Variants in STARD13 observed in about 807,000 individuals in gnomAD.
STARD13 encodes StAR related lipid transfer domain containing 13.
Under a neutral mutation model 106.4 loss-of-function variants are expected in STARD13, and 62 were observed. That is an observed-to-expected ratio of 0.58 (90% CI 0.48 to 0.72). STARD13 has a LOEUF of 0.72. STARD13 is among the 30% of genes least tolerant of loss of function. STARD13 has a pLI of 0.00. For synonymous variants in STARD13, 565 were observed against 553.0 expected (o/e 1.02, Z -0.31); for missense variants, 1,387 against 1,424.0 (o/e 0.97, Z 0.42).
the STARD13 span, among the ~76,000 whole-genome samples, chr13:33,658,041 G>C: frequency 6.6e-6 from 1 of 152,104 alleles, no homozygotes; most frequent in Non-Finnish European, 1.5e-5. Context: ...ATCCCAAACT[G>C]TACTCATTAA....
the STARD13 span, among the ~76,000 whole-genome samples, chr13:33,499,521 TCTTCTTCTTC>T: frequency 2.0e-5 from 1 of 48,996 alleles, no homozygotes; most frequent in African/African-American, 6.7e-5. Flanking sequence ...CTTCTTTCTT[TCTTCTTCTTC>T]TTCTTCTTCT....
chr13:33,536,333 CTT>C, the STARD13 span, among the ~76,000 whole-genome samples: 7 of 152,122 alleles, frequency 4.6e-5, no homozygotes, highest in Non-Finnish European at 1.0e-4. Context: ...CTGTAAGAAA[CTT>C]TTTAATTGTT....
chr13:33,620,273 CTTTTTCT>C, the STARD13 span, among the ~76,000 whole-genome samples: 2 of 150,756 alleles, frequency 1.3e-5, no homozygotes, highest in African/African-American at 2.5e-5. Context: ...AATATGTATT[CTTTTTCT>C]TTTTTCTTTT....
At chr13:33,400,846 T>A in the STARD13 span, among the ~76,000 whole-genome samples, 2 of 152,182 alleles carry the variant, frequency 1.3e-5, no homozygotes, top group Non-Finnish European at 2.9e-5. Flanking sequence ...ATGGGTGCAT[T>A]TCAGCACATG....
At chr13:33,216,634 G>C (rs565610078) in intron 1 of STARD13, among the ~76,000 whole-genome samples, 4 of 152,180 alleles carry the variant, frequency 2.6e-5, no homozygotes, top group African/African-American at 9.6e-5. Flanking sequence ...AGGGTGACAG[G>C]TGCACCAAAA....
At chr13:33,585,787 A>G in the STARD13 span, among the ~76,000 whole-genome samples, 4 of 152,366 alleles carry the variant, frequency 2.6e-5, no homozygotes, top group East Asian at 5.8e-4. Context: ...CACATCCTAC[A>G]TCATGGATGA....
In STARD13 at chr13:33,129,111, G is replaced by A; in HGVS notation, c.1566C>T (p.Gly522=). The change falls in exon 5 of 14, where the codon GGC becomes GGT. Residue 522 remains glycine (G), a synonymous_variant. Transcript: ENST00000336934. ...QTHDTLVGEP[G]LSTFPSPNQI... ...GATTAGGAGATGGAAAGGTGGATAA[G>A]CCAGGTTCCCCAACCAATGTATCAT... 1 of 1,614,158 alleles carries A rather than the reference G, an allele frequency of 6.2e-7. No individual in the cohort carries two copies. Among genetic ancestry groups the A allele is most frequent in the Non-Finnish European group, 8.5e-7 (1 of 1,180,034 alleles).
At chr13:33,133,522 CA>C (rs1878618597) in intron 4 of STARD13, among the ~76,000 whole-genome samples, 1 of 152,052 alleles carries the variant, frequency 6.6e-6, no homozygotes, top group Non-Finnish European at 1.5e-5. Context: ...TGGTATGTTC[CA>C]AAGGGTATTG....
chr13:33,304,544 AT>A (rs1219973729), intron 1 of STARD13, among the ~76,000 whole-genome samples: 2 of 152,184 alleles, frequency 1.3e-5, no homozygotes, highest in Non-Finnish European at 2.9e-5. Flanking sequence ...ATTCTATGTA[AT>A]TTTTAAACTC....
At chr13:33,452,360 G>C in the STARD13 span, among the ~76,000 whole-genome samples, 3 of 152,132 alleles carry the variant, frequency 2.0e-5, no homozygotes, top group East Asian at 5.8e-4. Context: ...GGGTGTCAGG[G>C]GAAACCTATT....
the STARD13 span, among the ~76,000 whole-genome samples, chr13:33,510,424 C>T: frequency 6.6e-6 from 1 of 152,122 alleles, no homozygotes; most frequent in East Asian, 1.9e-4. Context: ...TTAACCTGTG[C>T]TTTGTTCAGC....
chr13:33,287,865 G>C (rs1892136588), upstream of STARD13, among the ~76,000 whole-genome samples: 1 of 152,092 alleles, frequency 6.6e-6, no homozygotes, highest in African/African-American at 2.4e-5. Context: ...CATGGGACTT[G>C]AGAACATTGA....
At chr13:33,169,508 A>G (rs1173343652) in intron 1 of STARD13, among the ~76,000 whole-genome samples, 1 of 152,242 alleles carries the variant, frequency 6.6e-6, no homozygotes, top group African/African-American at 2.4e-5. Flanking sequence ...CATATAATAC[A>G]GCGGATAGTA....
the STARD13 span, among the ~76,000 whole-genome samples, chr13:33,583,911 T>C: frequency 6.6e-6 from 1 of 151,894 alleles, no homozygotes; most frequent in African/African-American, 2.4e-5. Context: ...TTATTACGAA[T>C]AATGGTTATG....
intron 5 of STARD13, among the ~76,000 whole-genome samples, chr13:33,128,671 G>A (rs1877629116): frequency 6.6e-6 from 1 of 152,126 alleles, no homozygotes; most frequent in African/African-American, 2.4e-5. Context: ...TTGCACATAA[G>A]AAGCTCAAAA....
chr13:33,538,209 C>T, the STARD13 span, among the ~76,000 whole-genome samples: 1 of 152,088 alleles, frequency 6.6e-6, no homozygotes, highest in Non-Finnish European at 1.5e-5. Flanking sequence ...GGCAAGATCC[C>T]GAAGAAGGGT....
downstream of STARD13, among the ~76,000 whole-genome samples, chr13:33,348,296 A>G (rs1390459337): frequency 6.6e-6 from 1 of 152,238 alleles, no homozygotes; most frequent in Non-Finnish European, 1.5e-5. Flanking sequence ...TAAAGTCTCT[A>G]TCTACAGTTT....
the STARD13 span, among the ~76,000 whole-genome samples, chr13:33,368,326 T>C: frequency 6.6e-6 from 1 of 152,168 alleles, no homozygotes; most frequent in Non-Finnish European, 1.5e-5. Flanking sequence ...TACTCAAATG[T>C]CATAATTAAC....
chr13:33,224,834 T>C (rs1020741487), intron 1 of STARD13, among the ~76,000 whole-genome samples: 6 of 152,192 alleles, frequency 3.9e-5, no homozygotes, highest in Non-Finnish European at 7.3e-5. Context: ...AACATCACCA[T>C]CTTTGTACAT....
Sources: allele counts gnomAD v4.1 joint callset (sites outside exome capture counted in the v4.1 genomes callset), GRCh38; gene constraint gnomAD v4.1.1; transcripts MANE v1.5; gene names NCBI Gene and HGNC (gene_info 2026-07-23, HGNC 2026-07-21).